PPM1L: variants seen among roughly 807,000 people sequenced by gnomAD.
PPM1L encodes the protein protein phosphatase, Mg2+/Mn2+ dependent 1L, also known as protein phosphatase 1L.
A neutral mutation model predicts 31.4 loss-of-function variants in PPM1L; 13 were observed. That is an observed-to-expected ratio of 0.41 (90% CI 0.27 to 0.66). The LOEUF is 0.66. PPM1L is among the 30% of genes least tolerant of loss of function. PPM1L has a pLI of 0.29. For synonymous variants in PPM1L, 184 were observed against 175.4 expected (o/e 1.05, Z -0.39); for missense variants, 326 against 453.7 (o/e 0.72, Z 2.56).
In PPM1L at chr3:161,029,664, T is replaced by C. The variant is rs1054530894; in HGVS notation, c.575-35739T>C. 1.4e-4 allele frequency among the ~76,000 whole-genome samples: 21 copies of C among 152,280 alleles called. No homozygotes were observed. The East Asian group carries it at 3.9e-3, about 28-fold the overall frequency. ...TCTATTTCCATTTTTTTCTTGACTTTGCTGTTTATCAGTACCCCCAGGAGC... is the reference window on the plus strand; with the variant it reads ...TCTATTTCCATTTTTTTCTTGACTTCGCTGTTTATCAGTACCCCCAGGAGC... On this transcript the variant is annotated intron_variant, in intron 2 of 3. Coordinates refer to ENST00000498165, the MANE Select transcript of PPM1L (RefSeq NM_139245.4).
At chr3:160,892,110 C>T (rs539388111) in intron 1 of PPM1L, among the ~76,000 whole-genome samples, 3 of 152,190 alleles carry the variant, frequency 2.0e-5, no homozygotes, top group East Asian at 1.9e-4. Flanking sequence ...CAAACCTGCG[C>T]GTTCTTCACA....
intron 2 of PPM1L, among the ~76,000 whole-genome samples, chr3:161,061,203 G>A (rs895921122): frequency 2.6e-5 from 4 of 151,140 alleles, no homozygotes; most frequent in East Asian, 3.9e-4. Flanking sequence ...TGCTTTGCAC[G>A]TATTATTTCT....
chr3:160,839,870 G>C (rs558114512), intron 1 of PPM1L, among the ~76,000 whole-genome samples: 35 of 152,012 alleles, frequency 2.3e-4, no homozygotes, highest in Non-Finnish European at 1.8e-4. Context: ...GAGCCCCGTT[G>C]GAAAGCCTTT....
rs71628437 is a variant in PPM1L at position 160,970,787 on chromosome 3, A to ATTTTTTTTTTT, written c.574+8889_574+8899dup. Among the ~76,000 whole-genome samples the ATTTTTTTTTTT allele has an allele frequency of 3.1e-4, 30 of 97,174 alleles. 1 individual carries two copies. Among genetic ancestry groups the ATTTTTTTTTTT allele is most frequent in the African/African-American group, 1.3e-3 (29 of 22,362 alleles). The allele number at this position is 97,174 out of a possible 152,430, so 63.7% of individuals were successfully genotyped here. A position where few individuals can be genotyped will look rare whatever the true frequency, so the allele number is the denominator to read the frequency against. On this transcript the variant is annotated intron_variant, in intron 2 of 3. Coordinates refer to ENST00000498165, the MANE Select transcript of PPM1L (RefSeq NM_139245.4). ...CAAGCTGATTTTAATTTCAGTTATA[A>ATTTTTTTTTTT]TTTTTTTTTTTTTTTTTTTTTTGAG...
At chr3:161,062,472 A>G (rs1719601559) in intron 2 of PPM1L, among the ~76,000 whole-genome samples, 1 of 152,030 alleles carries the variant, frequency 6.6e-6, no homozygotes, top group Non-Finnish European at 1.5e-5. Context: ...CCTACCCTCT[A>G]TCCCTATATT....
chr3:160,789,306 C>A (rs945501168), intron 1 of PPM1L, among the ~76,000 whole-genome samples: 1 of 151,908 alleles, frequency 6.6e-6, no homozygotes, highest in African/African-American at 2.4e-5. Flanking sequence ...AGCCACTATA[C>A]AGAATTCCCT....
At chr3:160,885,434 A>T (rs1712880270) in intron 1 of PPM1L, among the ~76,000 whole-genome samples, 2 of 152,230 alleles carry the variant, frequency 1.3e-5, no homozygotes, top group Non-Finnish European at 1.5e-5. Context: ...CAAGGCCAAG[A>T]TGGCCAACTA....
At chr3:160,829,119 C>T (rs538996236) in intron 1 of PPM1L, among the ~76,000 whole-genome samples, 11 of 151,906 alleles carry the variant, frequency 7.2e-5, no homozygotes, top group African/African-American at 2.4e-4. Context: ...TATTCCAGAA[C>T]GTGCCCTGTA....
At chr3:161,046,110 C>CAAAA (rs58794623) in intron 2 of PPM1L, among the ~76,000 whole-genome samples, 1,936 of 50,296 alleles carry the variant, frequency 0.038, 335 homozygotes, top group Admixed American at 0.08. Flanking sequence ...GACTCTGTCT[C>CAAAA]AAAAAAAAAA....
At chr3:161,040,928 A>G (rs943912916) in intron 2 of PPM1L, among the ~76,000 whole-genome samples, 4 of 152,076 alleles carry the variant, frequency 2.6e-5, no homozygotes, top group African/African-American at 7.2e-5. Flanking sequence ...TTTGTGGGGG[A>G]AAATTTGCAT....
chr3:160,973,895 A>T (rs1267922259), intron 2 of PPM1L, among the ~76,000 whole-genome samples: 2 of 148,056 alleles, frequency 1.4e-5, no homozygotes, highest in Admixed American at 1.3e-4. Flanking sequence ...TTATACTTTA[A>T]GTTTTAGGGT....
In PPM1L at chr3:161,069,549, C is replaced by T. The variant is rs1250918546; in HGVS notation, c.*392C>T. On this transcript the variant is annotated 3_prime_UTR_variant, in exon 4 of 4. Transcript: ENST00000498165. ...CTTTGTAACAGTGGACAGGACAGAC[C>T]ACCCAGTGCTGCAGGAGACAGGCCA... The T allele has an allele frequency of 5.2e-6, 1 of 191,950 alleles. No homozygotes were observed. 11.9% of individuals were successfully genotyped at this position (191,950 alleles called of 1,614,324 possible).
chr3:160,903,736 G>A (rs763329036), intron 1 of PPM1L, among the ~76,000 whole-genome samples: 16 of 152,056 alleles, frequency 1.1e-4, no homozygotes, highest in Non-Finnish European at 1.9e-4. Flanking sequence ...ATGGAGGTGG[G>A]GGAAAGGGAG....
intron 1 of PPM1L, among the ~76,000 whole-genome samples, chr3:160,907,183 G>A (rs1713791651): frequency 6.6e-6 from 1 of 152,162 alleles, no homozygotes; most frequent in Non-Finnish European, 1.5e-5. Context: ...TGGAAGGCAT[G>A]GAATATGGAA....
At chr3:160,821,871 G>A (rs1713211858) in intron 1 of PPM1L, among the ~76,000 whole-genome samples, 1 of 151,676 alleles carries the variant, frequency 6.6e-6, no homozygotes, top group Non-Finnish European at 1.5e-5. Flanking sequence ...ATTAGTAATG[G>A]TATTATTAAT....
chr3:161,013,004 T>C (rs1717949268), intron 2 of PPM1L, among the ~76,000 whole-genome samples: 1 of 152,198 alleles, frequency 6.6e-6, no homozygotes, highest in Non-Finnish European at 1.5e-5. Flanking sequence ...GGGTTTTTTG[T>C]TTCTCTATAT....
At chr3:160,973,011 T>C (rs1024178486) in intron 2 of PPM1L, among the ~76,000 whole-genome samples, 33 of 152,200 alleles carry the variant, frequency 2.2e-4, no homozygotes, top group African/African-American at 8.0e-4. Flanking sequence ...AAAAGTGGTA[T>C]GATAGGAAGG....
chr3:160,804,067 G>A (rs967653506), intron 1 of PPM1L, among the ~76,000 whole-genome samples: 64 of 151,380 alleles, frequency 4.2e-4, no homozygotes, highest in Middle Eastern at 3.5e-3. Context: ...ACAGGCGCCC[G>A]CCACCACGCC....
chr3:160,956,957 T>A (rs1463354986), intron 1 of PPM1L, among the ~76,000 whole-genome samples: 1 of 152,246 alleles, frequency 6.6e-6, no homozygotes, highest in South Asian at 2.1e-4. Context: ...CACAATAGTG[T>A]GTAAGATACA....
Sources: gnomAD v4.1 joint callset for allele counts (sites outside exome capture counted in the v4.1 genomes callset) on GRCh38, gnomAD v4.1.1 for gene constraint, MANE v1.5 for transcripts, NCBI Gene and HGNC (gene_info 2026-07-23, HGNC 2026-07-21) for gene names.